Variants in ZNF835 observed in about 807,000 individuals in gnomAD.
The protein encoded by ZNF835 is zinc finger protein 835.
For synonymous variants in ZNF835, 323 were observed against 324.7 expected, an observed-to-expected ratio of 0.99 and a Z score of 0.06; for missense variants, 783 against 758.4, an observed-to-expected ratio of 1.03 and a Z score of -0.38.
rs773078375 is a variant in ZNF835 at position 56,664,978 on chromosome 19, A to T, written c.221T>A (p.Val74Asp). Residue 74 changes from valine (V) to aspartate (D), a missense_variant, in exon 2 of 2, where the codon GTC becomes GAC. By Grantham distance (152) the Val-to-Asp change is radical (BLOSUM62 -3). Coordinates refer to ENST00000537055, the MANE Select transcript of ZNF835 (RefSeq NM_001005850.3). ...CCTCCGGGAACTGCTGTCGTCGGGG[A>T]CACTGGCTTGGGTAGCAGCAGGGCT... ...ISSPAATQASVPDDSSSRRCS... is the reference protein window; with the variant it reads ...ISSPAATQASDPDDSSSRRCS... 25 of 1,613,930 alleles carry T rather than the reference A, an allele frequency of 1.5e-5. No homozygotes were observed. The South Asian group carries it at 1.8e-4, about 11-fold the overall frequency.
rs1271693248 is a variant in ZNF835, at chr19:56,664,849, T to A, written c.350A>T (p.Lys117Met). 6.2e-7 allele frequency: 1 copy of A among 1,613,706 alleles called. No individual in the cohort carries two copies. Among genetic ancestry groups the A allele is most frequent in the African/African-American group, 1.3e-5 (1 of 74,926 alleles). ...GAACGCTGAACAGTAGCTGAAGGCC[T>A]TCCCGCAGTCCCCGCATTTCCACGG... ...KKPWKCGDCG[K>M]AFSYCSAFIL... Residue 117 changes from lysine to methionine, a missense_variant, in exon 2 of 2, where the codon AAG (lysine) becomes ATG (methionine). Physicochemically the swap from Lys to Met is moderately conservative, Grantham distance 95 (BLOSUM62 -1). Transcript: ENST00000537055.
Position 56,664,280 on chromosome 19 carries a change from T to G in ZNF835, c.919A>C (p.Thr307Pro). ...AAGAGCGCGCCGCAGTCCTGGCACG[T>G]GTAGGGCTTCTCGCCCGTGTGCACG... is the stretch of plus-strand genomic sequence containing the variant. ...RRVHTGEKPY[T>P]CQDCGALFSQ... Residue 307 changes from threonine to proline, a missense_variant, in exon 2 of 2, where the codon ACG (threonine) becomes CCG (proline). Transcript: ENST00000537055. 2.5e-6 allele frequency: 4 copies of G among 1,594,914 alleles called. No homozygotes were observed. Among genetic ancestry groups the G allele is most frequent in the Non-Finnish European group, 2.6e-6 (3 of 1,173,024 alleles).
At chr19:56,669,423 C>T (rs1399499246) in intron 1 of ZNF835, among the ~76,000 whole-genome samples, 1 of 152,158 alleles carries the variant, frequency 6.6e-6, no homozygotes, top group Non-Finnish European at 1.5e-5. Flanking sequence ...GCCCTCTCCC[C>T]TCCCAGGAGG....
rs1490814506 is a variant in ZNF835 at position 56,664,422 on chromosome 19, GA to G, written c.776del (p.Phe259SerfsTer35). On this transcript the variant is annotated frameshift_variant, in exon 2 of 2. Transcript: ENST00000537055. LOFTEE classifies it low-confidence loss of function (END_TRUNC). ...PYECSACAKA[F>X]RFSSALIRHQ... ...GGCGGATGAGCGCTGAGGAGAAGCG[GA>G]AGGCCTTGGCGCACGCGGAGCACTC... 1 of 1,612,764 alleles carries G rather than the reference GA, an allele frequency of 6.2e-7. No individual in the cohort carries two copies. The highest frequency in any genetic ancestry group is 8.5e-7 in the Non-Finnish European group (1 of 1,179,422).
Position 56,664,628 on chromosome 19 carries a change from C to CGAGA in ZNF835, c.570_571insTCTC (p.Glu191SerfsTer58). ...CAGTCGGCGCAGCGGTGCGGCTTCT[C>CGAGA]GCCCGTGTGCGTGCGCCAGTGGGAC... On this transcript the variant is annotated frameshift_variant, in exon 2 of 2. Coordinates refer to ENST00000537055, the MANE Select transcript of ZNF835 (RefSeq NM_001005850.3). LOFTEE classifies it low-confidence loss of function (END_TRUNC). 1 of 1,606,346 alleles carries CGAGA rather than the reference C, an allele frequency of 6.2e-7. No homozygotes were observed. The highest frequency in any genetic ancestry group is 8.5e-7 in the Non-Finnish European group (1 of 1,176,724).
Position 56,664,896 on chromosome 19 carries a change from C to T in ZNF835, c.303G>A (p.Glu101=). The T allele has an allele frequency of 2.5e-6, 4 of 1,613,976 alleles. No homozygotes were observed. Among genetic ancestry groups the T allele is most frequent in the Non-Finnish European group, 3.4e-6 (4 of 1,179,900 alleles). ...KERHPDSRQR[E]RGGGPKKPWK... ...ACGGCTTCTTGGGGCCTCCACCTCT[C>T]TCCCGCTGGCGGCTGTCAGGATGCC... Residue 101 remains glutamate, a synonymous_variant, in exon 2 of 2, where the codon GAG becomes GAA. Coordinates refer to ENST00000537055, the MANE Select transcript of ZNF835 (RefSeq NM_001005850.3).
rs966386046 is a variant in ZNF835, at chr19:56,663,915, G to A, written c.1284C>T (p.Ser428=). Reference sequence around the variant, plus strand: ...GGTGCAGGGCGAGCGAGGAGCCCTGGCTGAAAGCTTTGCCGCACTCGCCGC... The same window carrying A: ...GGTGCAGGGCGAGCGAGGAGCCCTGACTGAAAGCTTTGCCGCACTCGCCGC... ...YKCGECGKAF[S]QGSSLALHQR... The change falls in exon 2 of 2, where the codon AGC becomes AGT. Residue 428 remains serine, a synonymous_variant. Transcript: ENST00000537055. 1 of 1,611,436 alleles carries A rather than the reference G, an allele frequency of 6.2e-7. No homozygotes were observed. Among genetic ancestry groups the A allele is most frequent in the African/African-American group, 1.3e-5 (1 of 74,706 alleles).
intron 1 of ZNF835, 65 bp downstream of exon 1, chr19:56,671,511 A>G (rs2045293189): frequency 6.6e-6 from 1 of 151,782 alleles, no homozygotes; most frequent in Admixed American, 6.6e-5. Context: ...GTGCAGACAC[A>G]ATGGCACTCG....
intron 1 of ZNF835, among the ~76,000 whole-genome samples, chr19:56,669,401 A>G (rs1018193891): frequency 1.3e-5 from 2 of 152,038 alleles, no homozygotes; most frequent in Non-Finnish European, 2.9e-5. Context: ...TCGGTGATGA[A>G]CTCAACTTCC....
rs558526712 is a variant in ZNF835 at position 56,663,966 on chromosome 19, G to A, written c.1233C>T (p.Ile411=). Residue 411 remains isoleucine, a synonymous_variant, in exon 2 of 2, where the codon ATC becomes ATT. Coordinates refer to ENST00000537055, the MANE Select transcript of ZNF835 (RefSeq NM_001005850.3). ...ACTTGTAGGGCCGCTCTCCGGTGTG[G>A]ATCTTCTGGTGCTCTATAAGCGAGG... is the stretch of plus-strand genomic sequence containing the variant. ...HVSSLIEHQK[I]HTGERPYKCG... 1.4e-4 allele frequency: 220 copies of A among 1,609,400 alleles called. No individual in the cohort carries two copies. In the South Asian group the frequency reaches 2.3e-3, roughly 17 times the overall value.
rs2045224827 is a variant in ZNF835, at chr19:56,664,551, G to A, written c.648C>T (p.His216=). The A allele has an allele frequency of 6.2e-7, 1 of 1,608,406 alleles. No homozygotes were observed. Among genetic ancestry groups the A allele is most frequent in the African/African-American group, 1.3e-5 (1 of 74,738 alleles). The change falls in exon 2 of 2, where the codon CAC becomes CAT. Residue 216 remains histidine (H), a synonymous_variant. Coordinates refer to ENST00000537055, the MANE Select transcript of ZNF835 (RefSeq NM_001005850.3). ...CGCACGCGTAGGGCCGCTCGCCCGT[G>A]TGCACGCGCCGGTGCTGGGTCAGGT... is the stretch of plus-strand genomic sequence containing the variant. ...VTHLTQHRRV[H]TGERPYACAQ...
Position 56,664,065 on chromosome 19 carries a change from G to T in ZNF835, c.1134C>A (p.Leu378=), listed in dbSNP as rs535214865. Residue 378 remains leucine, a synonymous_variant, in exon 2 of 2, where the codon CTC becomes CTA. Transcript: ENST00000537055. The part of the protein sequence containing the change: ...GKRFSNRSHL[L]QHRLVHTGER... ...CACCGGTGTGCACGAGGCGGTGCTG[G>T]AGGAGGTGGGAGCGGTTGCTGAAGC... The T allele has an allele frequency of 3.7e-6, 6 of 1,611,138 alleles. No individual in the cohort carries two copies. The highest frequency in any genetic ancestry group is 1.7e-5 in the Admixed American group (1 of 59,786).
At chr19:56,665,744 A>G (rs908020071) in intron 1 of ZNF835, among the ~76,000 whole-genome samples, 2 of 152,228 alleles carry the variant, frequency 1.3e-5, no homozygotes, top group Admixed American at 6.5e-5. Flanking sequence ...TTGAAGCTGC[A>G]GTGAGTAGTG....
chr19:56,665,210 G>A lies in ZNF835; in HGVS notation c.-12C>T. ...AAGAGTCCCTCCATCCTCGATCCCT[G>A]GGCTGCTGTCTTGATCTCACATCTT... is the stretch of plus-strand genomic sequence containing the variant. On this transcript the variant is annotated 5_prime_UTR_variant, in exon 2 of 2. Transcript: ENST00000537055. 6.2e-7 allele frequency: 1 copy of A among 1,613,642 alleles called. No homozygotes were observed.
At position 56,671,746 on chromosome 19, in the gene ZNF835, C is replaced by A. The variant is rs958164414; in HGVS notation, c.-218G>T. The stretch of plus-strand genomic sequence containing the variant: ...CAAGACTTCTGCTGCTGCGGAGGAG[C>A]CCGCGCACCAGGCCGGGGTGGACTG... On this transcript the variant is annotated 5_prime_UTR_variant, in exon 1 of 2. Coordinates refer to ENST00000537055, the MANE Select transcript of ZNF835 (RefSeq NM_001005850.3). The A allele has an allele frequency of 1.3e-5, 2 of 152,310 alleles. No individual in the cohort carries two copies. Among genetic ancestry groups the A allele is most frequent in the African/African-American group, 4.8e-5 (2 of 41,472 alleles). The allele number at this position is 152,310 out of a possible 1,614,324, so 9.4% of individuals were successfully genotyped here.
At chr19:56,668,445 A>G (rs2045264028) in intron 1 of ZNF835, among the ~76,000 whole-genome samples, 2 of 147,842 alleles carry the variant, frequency 1.4e-5, no homozygotes, top group Admixed American at 1.4e-4. Flanking sequence ...AGCTCGCTGC[A>G]GCCTGGGAAT....
intron 1 of ZNF835, among the ~76,000 whole-genome samples, chr19:56,666,410 A>G (rs2045246416): frequency 1.3e-5 from 2 of 152,106 alleles, no homozygotes; most frequent in Non-Finnish European, 1.5e-5. Flanking sequence ...CTTGGCTGGG[A>G]CTAATGTTTT....
At position 56,663,925 on chromosome 19, in the gene ZNF835, T is replaced by C; in HGVS notation, c.1274A>G (p.Lys425Arg). ...GAGCGAGGAGCCCTGGCTGAAAGCT[T>C]TGCCGCACTCGCCGCACTTGTAGGG... is the stretch of plus-strand genomic sequence containing the variant. Reference protein sequence around the residue: ...ERPYKCGECGKAFSQGSSLAL... With the variant: ...ERPYKCGECGRAFSQGSSLAL... Residue 425 changes from lysine to arginine, a missense_variant, in exon 2 of 2, where the codon AAA (lysine) becomes AGA (arginine). By Grantham distance (26) the Lys-to-Arg change is conservative (BLOSUM62 2). Transcript: ENST00000537055. 1 of 1,609,398 alleles carries C rather than the reference T, an allele frequency of 6.2e-7. No individual in the cohort carries two copies. Among genetic ancestry groups the C allele is most frequent in the Non-Finnish European group, 8.5e-7 (1 of 1,177,536 alleles).
At position 56,664,545 on chromosome 19, in the gene ZNF835, GC is replaced by G; in HGVS notation, c.653del (p.Gly218AlafsTer20). 6.2e-7 allele frequency: 1 copy of G among 1,608,158 alleles called. No homozygotes were observed. ...ACTGGGCGCACGCGTAGGGCCGCTCGCCCGTGTGCACGCGCCGGTGCTGGGT... is the reference window on the plus strand; with the variant it reads ...ACTGGGCGCACGCGTAGGGCCGCTCGCCGTGTGCACGCGCCGGTGCTGGGT... ...HLTQHRRVHT[G>X]ERPYACAQCA... On this transcript the variant is annotated frameshift_variant, in exon 2 of 2. Coordinates refer to ENST00000537055, the MANE Select transcript of ZNF835 (RefSeq NM_001005850.3). LOFTEE classifies it low-confidence loss of function (END_TRUNC).
Sources: gnomAD v4.1 joint callset for allele counts (sites outside exome capture counted in the v4.1 genomes callset) on GRCh38, gnomAD v4.1.1 for gene constraint, MANE v1.5 for transcripts, NCBI Gene and HGNC (gene_info 2026-07-23, HGNC 2026-07-21) for gene names.